Variants in PLD3 observed in about 807,000 individuals in gnomAD.
The protein encoded by PLD3 is phospholipase D family member 3.
PLD3 carries 31 observed loss-of-function variants against 58.4 expected under a neutral mutation model. The ratio of observed to expected loss-of-function variants is 0.53; its 90% CI spans 0.40 to 0.72. PLD3 has a LOEUF of 0.72. Ranked by LOEUF, PLD3 falls within the 30% of genes least tolerant of loss-of-function variation. PLD3 has a pLI of 0.00. For missense variants in PLD3, 595 were observed against 659.8 expected, an observed-to-expected ratio of 0.90 and a Z score of 1.08; for synonymous variants, 264 against 273.4, an observed-to-expected ratio of 0.97 and a Z score of 0.34.
chr19:40,367,654 C>G, intron 5 of PLD3, 42 bp from the exon 6 acceptor site: 1 of 1,552,502 alleles, frequency 6.4e-7, no homozygotes, highest in East Asian at 2.3e-5. Flanking sequence ...CCAGCCCTTG[C>G]TCTCCGGCAC....
chr19:40,376,565 C>T, intron 10 of PLD3, 44 bp from the exon 11 acceptor site: 1 of 1,576,410 alleles, frequency 6.3e-7, no homozygotes, highest in Non-Finnish European at 8.6e-7. Context: ...GTGGACACAG[C>T]CGCCCTCTGC....
intron 6 of PLD3, among the ~76,000 whole-genome samples, chr19:40,368,445 A>T (rs951048442): frequency 6.6e-6 from 1 of 152,232 alleles, no homozygotes; most frequent in African/African-American, 2.4e-5. Context: ...CTTAAAGAAC[A>T]TAAAAGCTTC....
rs930502698 is a variant in PLD3, at chr19:40,365,718, G to C, written c.-278G>C. On this transcript the variant is annotated splice_region_variant and 5_prime_UTR_variant, in exon 2 of 13. Coordinates refer to ENST00000409735, the MANE Select transcript of PLD3 (RefSeq NM_012268.4). The stretch of plus-strand genomic sequence containing the variant: ...ATGTACTACCCCCCAACCCGGCCAG[G>C]CTGGAGCGACCGTGTCTGGGGAGCC... 2.6e-5 allele frequency: 4 copies of C among 152,600 alleles called. No individual in the cohort carries two copies. Among genetic ancestry groups the C allele is most frequent in the Non-Finnish European group, 5.9e-5 (4 of 68,332 alleles). 9.5% of individuals were successfully genotyped at this position (152,600 alleles called of 1,614,324 possible). A position where few individuals can be genotyped will look rare whatever the true frequency, so the allele number is the denominator to read the frequency against.
chr19:40,361,426 TA>T (rs1236131644), intron 1 of PLD3, among the ~76,000 whole-genome samples: 3 of 152,080 alleles, frequency 2.0e-5, no homozygotes, highest in Non-Finnish European at 4.4e-5. Flanking sequence ...CCCCATCTCT[TA>T]AAAAAATCTG....
rs780172579 is a variant in PLD3 at position 40,366,665 on chromosome 19, C to A, written c.83C>A (p.Ala28Glu). 20 of 1,600,882 alleles carry A rather than the reference C, an allele frequency of 1.2e-5. No individual in the cohort carries two copies. The highest frequency in any genetic ancestry group is 1.5e-5 in the Non-Finnish European group (18 of 1,172,162). The change falls in exon 4 of 13, where the codon GCG becomes GAG. Residue 28 changes from alanine to glutamate, a missense_variant. Ala to Glu is a moderately radical substitution (Grantham distance 107). Coordinates refer to ENST00000409735, the MANE Select transcript of PLD3 (RefSeq NM_012268.4). ...ANELPMNEIE[A>E]WKAAEKKARW... is the part of the protein sequence containing the mutation. ...GAGCTGCCCATGAATGAGATTGAGG[C>A]GTGGAAGGCTGCGGAAAAGGTAGGA...
At chr19:40,354,363 C>T (rs1309755099) in intron 1 of PLD3, among the ~76,000 whole-genome samples, 3 of 151,216 alleles carry the variant, frequency 2.0e-5, no homozygotes, top group Admixed American at 6.6e-5. Flanking sequence ...TGAGCCACCA[C>T]GCCTGGCCTA....
chr19:40,367,964 G>A (rs2078971290), intron 6 of PLD3, 85 bp downstream of exon 6: 2 of 1,191,960 alleles, frequency 1.7e-6, no homozygotes. Flanking sequence ...GGTTTCTCCT[G>A]CAGCCCAGGA....
At position 40,366,633 on chromosome 19, in the gene PLD3, C is replaced by T. The variant is rs200094590; in HGVS notation, c.51C>T (p.Pro17=). ...AGCTGAAGGTGCCTGCAGAGGAGCC[C>T]GCCAATGAGCTGCCCATGAATGAGA... is the stretch of plus-strand genomic sequence containing the variant. ...YQELKVPAEE[P]ANELPMNEIE... is the part of the protein sequence containing the mutation. The change falls in exon 4 of 13, where the codon CCC becomes CCT. Residue 17 remains proline (P), a synonymous_variant. Coordinates refer to ENST00000409735, the MANE Select transcript of PLD3 (RefSeq NM_012268.4). 3.6e-4 allele frequency: 571 copies of T among 1,580,808 alleles called. 4 individuals carry two copies. The Admixed American group carries it at 9.6e-3, about 27-fold the overall frequency.
intron 10 of PLD3, 177 bp downstream of exon 10, chr19:40,374,797 G>C (rs1268975759): frequency 4.7e-6 from 3 of 632,942 alleles, no homozygotes; most frequent in Admixed American, 2.9e-5. Flanking sequence ...ACTTGAGACA[G>C]GAGAAAGAGA....
At chr19:40,353,000 T>G (rs980027497) in intron 1 of PLD3, among the ~76,000 whole-genome samples, 1 of 152,076 alleles carries the variant, frequency 6.6e-6, no homozygotes, top group Non-Finnish European at 1.5e-5. Flanking sequence ...GAAGCCCCAT[T>G]GTCTCACTCC....
chr19:40,371,501 CT>C, intron 8 of PLD3, 171 bp from the exon 9 acceptor site: 5 of 592,776 alleles, frequency 8.4e-6, no homozygotes, highest in Non-Finnish European at 1.5e-5. Context: ...TTTGGAATAA[CT>C]GATTTTCATC....
intron 9 of PLD3, among the ~76,000 whole-genome samples, chr19:40,373,490 T>C (rs1421818034): frequency 1.3e-5 from 2 of 149,378 alleles, no homozygotes; most frequent in Non-Finnish European, 3.0e-5. Context: ...GGCAGGAGAA[T>C]CACTTGAACC....
chr19:40,350,038 A>C (rs1394894612), intron 1 of PLD3, among the ~76,000 whole-genome samples: 5 of 151,030 alleles, frequency 3.3e-5, no homozygotes, highest in African/African-American at 1.2e-4. Context: ...AGGCGGGCGG[A>C]TCACCTCAGG....
intron 1 of PLD3, among the ~76,000 whole-genome samples, chr19:40,349,370 G>C (rs889318894): frequency 2.0e-5 from 3 of 152,026 alleles, no homozygotes; most frequent in African/African-American, 7.2e-5. Flanking sequence ...CCCATAAGGA[G>C]CCACCCAGCC....
intron 5 of PLD3, chr19:40,367,261 A>AG (rs993869412): frequency 3.7e-6 from 1 of 272,820 alleles, no homozygotes; most frequent in Non-Finnish European, 6.9e-6. Flanking sequence ...GTTTTAAAAA[A>AG]TTTTTTTTAA....
chr19:40,352,808 A>T (rs1274884772), intron 1 of PLD3, among the ~76,000 whole-genome samples: 2 of 151,962 alleles, frequency 1.3e-5, no homozygotes, highest in African/African-American at 4.8e-5. Context: ...ACAAAAAAAT[A>T]AAAAACTAGC....
chr19:40,367,918 G>C (rs1411538423), intron 6 of PLD3, 39 bp downstream of exon 6: 7 of 1,501,580 alleles, frequency 4.7e-6, no homozygotes, highest in African/African-American at 1.4e-5. Flanking sequence ...GCAGGGGCAG[G>C]GGGTGGGAGG....
At chr19:40,360,896 C>G (rs2078764906) in intron 1 of PLD3, among the ~76,000 whole-genome samples, 1 of 152,142 alleles carries the variant, frequency 6.6e-6, no homozygotes, top group African/African-American at 2.4e-5. Flanking sequence ...TGCAAAGATC[C>G]TTTTTCCAAA....
chr19:40,354,115 C>T (rs1191971789), intron 1 of PLD3, among the ~76,000 whole-genome samples: 2 of 148,400 alleles, frequency 1.3e-5, no homozygotes, highest in Non-Finnish European at 3.0e-5. Flanking sequence ...GCTCTGTTGC[C>T]CAGGCTGGAG....
Sources: allele counts gnomAD v4.1 joint callset (sites outside exome capture counted in the v4.1 genomes callset), GRCh38; gene constraint gnomAD v4.1.1; transcripts MANE v1.5; gene names NCBI Gene and HGNC (gene_info 2026-07-23, HGNC 2026-07-21).